Variants in CEP170B observed in about 807,000 individuals in gnomAD.
CEP170B encodes the protein centrosomal protein 170B, also known as centrosomal protein of 170 kDa protein B.
CEP170B carries 55 observed loss-of-function variants against 120.6 expected under a neutral mutation model. That is an observed-to-expected ratio of 0.46 (90% confidence interval 0.37 to 0.57). The LOEUF is 0.57. Among genes scored for constraint, CEP170B ranks in the 20% least tolerant of loss-of-function variants. The pLI is 0.00. For missense variants in CEP170B, 2,212 were observed against 2,253.3 expected (o/e 0.98, Z 0.37); for synonymous variants, 1,033 against 954.5 (o/e 1.08, Z -1.52).
intron 12 of CEP170B, among the ~76,000 whole-genome samples, 161 bp downstream of exon 12, chr14:104,888,139 G>GCA (rs577315558): frequency 1.3e-5 from 2 of 152,320 alleles, no homozygotes; most frequent in African/African-American, 4.8e-5. Flanking sequence ...GGACTCACGT[G>GCA]CACACACACA....
chr14:104,886,867 TC>T lies in CEP170B; in HGVS notation c.2633del (p.Pro878GlnfsTer35). 6.2e-7 allele frequency: 1 copy of T among 1,610,236 alleles called. No individual in the cohort carries two copies. ...ESFTKEPASG[P>X]PAPGKPPHIS... ...GCTTCACTAAGGAGCCAGCCAGTGG[TC>T]CCCCAGCGCCCGGCAAGCCCCCCCA... On this transcript the variant is annotated frameshift_variant, in exon 12 of 19. Transcript: ENST00000414716. LOFTEE classifies it high-confidence loss of function.
intron 16 of CEP170B, 52 bp from the exon 17 acceptor site, chr14:104,894,233 C>CT: frequency 7.3e-7 from 1 of 1,376,102 alleles, no homozygotes; most frequent in Non-Finnish European, 1.0e-6. Context: ...TGCCTCAGCT[C>CT]TGTCATCTCT....
At chr14:104,890,554 G>A (rs1382533433) in intron 13 of CEP170B, among the ~76,000 whole-genome samples, 1 of 115,760 alleles carries the variant, frequency 8.6e-6, no homozygotes, top group African/African-American at 3.4e-5. Flanking sequence ...GGGTGAGTAG[G>A]TGGGTGGGTG....
chr14:104,876,060 C>G (rs2140654248), intron 2 of CEP170B, among the ~76,000 whole-genome samples, 196 bp from the exon 3 acceptor site: 1 of 152,242 alleles, frequency 6.6e-6, no homozygotes, highest in Middle Eastern at 3.4e-3. Context: ...GGGGCAGCAG[C>G]AGAGGGTGGG....
At chr14:104,876,497 C>T (rs910035163) in intron 3 of CEP170B, among the ~76,000 whole-genome samples, 152 bp downstream of exon 3, 7 of 149,138 alleles carry the variant, frequency 4.7e-5, no homozygotes, top group Non-Finnish European at 1.1e-4. Flanking sequence ...CCAGCCATAG[C>T]CCCTCCTTCT....
chr14:104,874,316 G>A (rs1178685928), intron 2 of CEP170B, among the ~76,000 whole-genome samples: 1 of 152,216 alleles, frequency 6.6e-6, no homozygotes, highest in Non-Finnish European at 1.5e-5. Context: ...CGTAGCTGTG[G>A]GTGCCAGCTT....
rs376487131 is a variant in CEP170B, at chr14:104,886,054, G to A, written c.1959G>A (p.Pro653=). ...CCTCTCCACAGGGCCTCCCGGTGCC[G>A]GGCTCCCCTGGGGGTCAGAAGTGGG... The part of the protein sequence containing the change: ...PQAEHQGLPV[P]GSPGGQKWVS... Residue 653 remains proline (P), a synonymous_variant, in exon 11 of 19, where the codon CCG becomes CCA. Coordinates refer to ENST00000414716, the MANE Select transcript of CEP170B (RefSeq NM_001112726.3). 83 of 1,541,176 alleles carry A rather than the reference G, an allele frequency of 5.4e-5. 2 individuals are homozygous for A. The African/African-American group carries it at 7.6e-4, about 14-fold the overall frequency.
chr14:104,882,720 C>T lies in CEP170B; in HGVS notation c.473-8C>T, dbSNP rs1896221906. On this transcript the variant is annotated splice_polypyrimidine_tract_variant and splice_region_variant and intron_variant, in intron 6 of 18. Transcript: ENST00000414716. ...AACACAGGGTCTGACCTCTCGCTCCCTCCACAGAGGCAGCCTCTTACCGCA... is the reference window on the plus strand; with the variant it reads ...AACACAGGGTCTGACCTCTCGCTCCTTCCACAGAGGCAGCCTCTTACCGCA... 3.1e-6 allele frequency: 5 copies of T among 1,609,654 alleles called. No individual in the cohort carries two copies. Among genetic ancestry groups the T allele is most frequent in the Non-Finnish European group, 4.2e-6 (5 of 1,178,296 alleles).
At chr14:104,890,481 AATGAGTGGGTTGGTGGATGG>A (rs1896773956) in intron 13 of CEP170B, among the ~76,000 whole-genome samples, 2 of 60,846 alleles carry the variant, frequency 3.3e-5, no homozygotes, top group African/African-American at 6.8e-5. Context: ...TGGATGGATG[AATGAGTGGGTTGGTGGATGG>A]ATGGATGAGT....
Position 104,883,115 on chromosome 14 carries a change from C to T in CEP170B, c.658C>T (p.Arg220Trp), listed in dbSNP as rs200798785. 278 of 1,591,660 alleles carry T rather than the reference C, an allele frequency of 1.7e-4. No homozygotes were observed. The highest frequency in any genetic ancestry group is 9.9e-4 in the Middle Eastern group (6 of 6,070). The change falls in exon 8 of 19, where the codon CGG becomes TGG. Residue 220 changes from arginine to tryptophan, a missense_variant. Arg to Trp is a moderately radical substitution (Grantham distance 101). Coordinates refer to ENST00000414716, the MANE Select transcript of CEP170B (RefSeq NM_001112726.3). ...TGCTGAGCCTCAGGGCTGCTCGTTC[C>T]GGCGGGAGCCCAGCTACTTCGAGAT... ...APAEPQGCSF[R>W]REPSYFEIPT...
intron 13 of CEP170B, among the ~76,000 whole-genome samples, chr14:104,890,390 G>GTGGATGGATGGATGGATGGA (rs1292538038): frequency 4.2e-5 from 5 of 118,168 alleles, no homozygotes; most frequent in African/African-American, 1.9e-4. Flanking sequence ...GGATGGATGA[G>GTGGATGGATGGATGGATGGA]TGGATGGATG....
intron 3 of CEP170B, 45 bp from the exon 4 acceptor site, chr14:104,877,840 A>AGCCCCCCCCCCCCCC: frequency 4.2e-6 from 1 of 237,904 alleles, no homozygotes; most frequent in Non-Finnish European, 6.7e-6. Context: ...ACAGCCACCC[A>AGCCCCCCCCCCCCCC]CCCGCGCAGC....
intron 5 of CEP170B, 47 bp downstream of exon 5, chr14:104,878,548 C>T (rs780369145): frequency 1.9e-6 from 3 of 1,570,484 alleles, no homozygotes; most frequent in East Asian, 4.5e-5. Flanking sequence ...GGGCTCAGCC[C>T]CCCATCCTCC....
chr14:104,893,318 C>T (rs557486121), intron 14 of CEP170B, among the ~76,000 whole-genome samples, 183 bp downstream of exon 14: 2 of 152,364 alleles, frequency 1.3e-5, no homozygotes, highest in South Asian at 4.1e-4. Context: ...AGGTCTGGGG[C>T]GCTCGTGGCA....
intron 15 of CEP170B, 23 bp from the exon 16 acceptor site, chr14:104,893,738 A>T: frequency 6.3e-7 from 1 of 1,598,418 alleles, no homozygotes; most frequent in Non-Finnish European, 8.5e-7. Context: ...GGGCGGGGCC[A>T]TGCTGAGGCC....
chr14:104,877,541 G>T (rs1207698246), intron 3 of CEP170B, among the ~76,000 whole-genome samples: 1 of 152,238 alleles, frequency 6.6e-6, no homozygotes, highest in South Asian at 2.1e-4. Context: ...GGGCCAAGGT[G>T]GGGGCTGGGG....
Position 104,893,618 on chromosome 14 carries a change from C to T in CEP170B, c.4134C>T (p.Ser1378=). ...ACTTTGACCAGAACATGAACGACAGCTGTGAGGACGCCCTGGCCAACAAGA... is the reference window on the plus strand; with the variant it reads ...ACTTTGACCAGAACATGAACGACAGTTGTGAGGACGCCCTGGCCAACAAGA... The part of the protein sequence containing the change: ...SRDFDQNMND[S]CEDALANKTR... Residue 1378 remains serine, a synonymous_variant, in exon 15 of 19, where the codon AGC becomes AGT. Coordinates refer to ENST00000414716, the MANE Select transcript of CEP170B (RefSeq NM_001112726.3). 1 of 1,598,618 alleles carries T rather than the reference C, an allele frequency of 6.3e-7. No homozygotes were observed. The highest frequency in any genetic ancestry group is 8.5e-7 in the Non-Finnish European group (1 of 1,173,754).
rs1340561450 is a variant in CEP170B at position 104,891,477 on chromosome 14, C to T, written c.3879-1499C>T. Among the ~76,000 whole-genome samples, 1 of 151,974 alleles carries T rather than the reference C, an allele frequency of 6.6e-6. No homozygotes were observed. The highest frequency in any genetic ancestry group is 1.5e-5 in the Non-Finnish European group (1 of 67,984). On this transcript the variant is annotated intron_variant, in intron 13 of 18. Coordinates refer to ENST00000414716, the MANE Select transcript of CEP170B (RefSeq NM_001112726.3). The surrounding 1 kb of genome is among the most constrained non-coding windows in gnomAD (Gnocchi z 4.3). ...CCACACTGGGGTGGAGGCGCAGGCA[C>T]CTGAGGCTGTGAGCAGCATGAAGTT...
At chr14:104,874,823 G>C (rs1005523563) in intron 2 of CEP170B, among the ~76,000 whole-genome samples, 5 of 151,940 alleles carry the variant, frequency 3.3e-5, no homozygotes. Context: ...GCCCACTGCT[G>C]GGTGGCAGTG....
Sources: allele counts gnomAD v4.1 joint callset (sites outside exome capture counted in the v4.1 genomes callset), GRCh38; gene constraint gnomAD v4.1.1; non-coding constraint Gnocchi (gnomAD v3.1); transcripts MANE v1.5; gene names NCBI Gene and HGNC (gene_info 2026-07-23, HGNC 2026-07-21).